DUSP10: variants seen among roughly 807,000 people sequenced by gnomAD.
DUSP10 encodes dual specificity protein phosphatase 10.
A neutral mutation model predicts 30.8 loss-of-function variants in DUSP10; 14 were observed. The ratio of observed to expected loss-of-function variants is 0.46; its 90% CI spans 0.30 to 0.71. DUSP10 has a LOEUF of 0.71. Ranked by LOEUF, DUSP10 falls within the 30% of genes least tolerant of loss-of-function variation. The pLI is 0.08. For missense variants in DUSP10, 550 were observed against 619.4 expected (o/e 0.89, Z 1.19); for synonymous variants, 254 against 250.4 (o/e 1.01, Z -0.14).
At chr1:221,707,345 A>AC (rs1181956036) in intron 2 of DUSP10, among the ~76,000 whole-genome samples, 3 of 152,276 alleles carry the variant, frequency 2.0e-5, no homozygotes, top group Admixed American at 2.0e-4. Flanking sequence ...ATCAACCCTG[A>AC]CTTTCAGTAG....
chr1:221,738,143 G>A (rs1038814922), intron 2 of DUSP10, among the ~76,000 whole-genome samples: 2 of 152,202 alleles, frequency 1.3e-5, no homozygotes, highest in Admixed American at 6.5e-5. Flanking sequence ...TCCGAGAAGA[G>A]TGGTGAATAA....
At chr1:221,738,682 G>A (rs1284373869) in intron 2 of DUSP10, among the ~76,000 whole-genome samples, 1 of 152,220 alleles carries the variant, frequency 6.6e-6, no homozygotes, top group Non-Finnish European at 1.5e-5. Context: ...GTCCCAGAGA[G>A]GTGAAATGAC....
At position 221,706,486 on chromosome 1, in the gene DUSP10, G is replaced by A. The variant is rs1660765980; in HGVS notation, c.812-20C>T. 1 of 1,458,650 alleles carries A rather than the reference G, an allele frequency of 6.9e-7. No individual in the cohort carries two copies. Among genetic ancestry groups the A allele is most frequent in the Non-Finnish European group, 9.1e-7 (1 of 1,100,814 alleles). The allele number at this position is 1,458,650 out of a possible 1,614,324, so 90.4% of individuals were successfully genotyped here. A position where few individuals can be genotyped will look rare whatever the true frequency, so the allele number is the denominator to read the frequency against. The stretch of plus-strand genomic sequence containing the variant: ...GTCCACCTAGAACACAAACACAGAA[G>A]GTGAGTGTGACTGAGATTTCAGAGC... On this transcript the variant is annotated intron_variant, in intron 2 of 3. Coordinates refer to ENST00000366899, the MANE Select transcript of DUSP10 (RefSeq NM_007207.6). This position sits in a 1 kb window ranked among gnomAD's most constrained non-coding sequence, Gnocchi z 4.6.
Position 221,729,286 on chromosome 1 carries a change from T to C in DUSP10, c.811+9648A>G, listed in dbSNP as rs371195663. Reference sequence around the variant, plus strand: ...ACTCTAAGGACACAGAATAGGCTACTCACCTTAGCAATGGAATTTTTATTT... The same window carrying C: ...ACTCTAAGGACACAGAATAGGCTACCCACCTTAGCAATGGAATTTTTATTT... On this transcript the variant is annotated intron_variant, in intron 2 of 3. Transcript: ENST00000366899. Among the ~76,000 whole-genome samples, 201 of 152,302 alleles carry C rather than the reference T, an allele frequency of 1.3e-3. 1 individual carries two copies. The highest frequency in any genetic ancestry group is 4.7e-3 in the African/African-American group (196 of 41,568).
chr1:221,730,043 C>A (rs1661537083), intron 2 of DUSP10, among the ~76,000 whole-genome samples: 1 of 152,130 alleles, frequency 6.6e-6, no homozygotes, highest in Non-Finnish European at 1.5e-5. Flanking sequence ...AGACCCTCAA[C>A]CCTCATGTTA....
intron 2 of DUSP10, chr1:221,737,385 G>T (rs1263869013): frequency 8.1e-6 from 8 of 985,200 alleles, no homozygotes; most frequent in Non-Finnish European, 9.6e-6. Context: ...TTTGTAAGAG[G>T]CTAGACACAT....
Position 221,739,774 on chromosome 1 carries a change from G to A in DUSP10, c.-30C>T. 6.5e-7 allele frequency: 1 copy of A among 1,546,480 alleles called. No homozygotes were observed. Among genetic ancestry groups the A allele is most frequent in the East Asian group, 2.3e-5 (1 of 44,312 alleles). On this transcript the variant is annotated 5_prime_UTR_variant, in exon 2 of 4. Coordinates refer to ENST00000366899, the MANE Select transcript of DUSP10 (RefSeq NM_007207.6). ...AGGCTGAAAACTGGCAATTCAAGAAGAACTCAAGACAGTCTGTAAAGAAGG... is the reference window on the plus strand; with the variant it reads ...AGGCTGAAAACTGGCAATTCAAGAAAAACTCAAGACAGTCTGTAAAGAAGG...
chr1:221,728,428 A>C (rs1292078840), intron 2 of DUSP10, among the ~76,000 whole-genome samples: 1 of 152,198 alleles, frequency 6.6e-6, no homozygotes, highest in Non-Finnish European at 1.5e-5. Flanking sequence ...AAATGTGTTC[A>C]TTATTATTTT....
At chr1:221,725,359 A>G (rs556448881) in intron 2 of DUSP10, among the ~76,000 whole-genome samples, 1 of 152,294 alleles carries the variant, frequency 6.6e-6, no homozygotes, top group African/African-American at 2.4e-5. Flanking sequence ...TGTGTCTTTT[A>G]ATAATGATAT....
chr1:221,728,902 A>C (rs1314095307), intron 2 of DUSP10, among the ~76,000 whole-genome samples: 1 of 152,186 alleles, frequency 6.6e-6, no homozygotes, highest in Non-Finnish European at 1.5e-5. Context: ...TCATCCTTCT[A>C]TCCACAGGCT....
intron 2 of DUSP10, among the ~76,000 whole-genome samples, chr1:221,712,926 G>T (rs1420976193): frequency 6.6e-6 from 1 of 152,118 alleles, no homozygotes; most frequent in Admixed American, 6.5e-5. Context: ...ACTTAGGTCT[G>T]TCGTAATGAT....
chr1:221,717,499 G>A (rs537751317), intron 2 of DUSP10, among the ~76,000 whole-genome samples: 2 of 151,972 alleles, frequency 1.3e-5, no homozygotes, highest in South Asian at 4.1e-4. Context: ...TTTACCAAAT[G>A]GTGTAATTTA....
chr1:221,736,561 C>G (rs1162989394), intron 2 of DUSP10, among the ~76,000 whole-genome samples: 2 of 152,166 alleles, frequency 1.3e-5, no homozygotes, highest in Non-Finnish European at 2.9e-5. Flanking sequence ...GCTGGTCATG[C>G]CTTTGGGGAA....
chr1:221,740,317 T>C lies in DUSP10; in HGVS notation c.-43-530A>G, dbSNP rs576707589. 1.7e-4 allele frequency among the ~76,000 whole-genome samples: 26 copies of C among 152,354 alleles called. No individual in the cohort carries two copies. In the East Asian group the frequency reaches 4.8e-3, roughly 28 times the overall value. On this transcript the variant is annotated intron_variant, in intron 1 of 3. Transcript: ENST00000366899. Reference sequence around the variant, plus strand: ...AGCTAAATATACATCAGGGTGGATGTCAACTTTCTGCAAATCCCCTTAAGT... The same window carrying C: ...AGCTAAATATACATCAGGGTGGATGCCAACTTTCTGCAAATCCCCTTAAGT...
chr1:221,715,467 C>A (rs1385051065), intron 2 of DUSP10, among the ~76,000 whole-genome samples: 1 of 152,162 alleles, frequency 6.6e-6, no homozygotes, highest in Non-Finnish European at 1.5e-5. Flanking sequence ...CTGGTTCCTA[C>A]CCCCTGAAGG....
chr1:221,712,436 C>G (rs1325559806), intron 2 of DUSP10, among the ~76,000 whole-genome samples: 1 of 152,124 alleles, frequency 6.6e-6, no homozygotes, highest in Non-Finnish European at 1.5e-5. Context: ...TTCTTATGAT[C>G]ACGTCATTTG....
intron 2 of DUSP10, among the ~76,000 whole-genome samples, chr1:221,711,029 T>C (rs11118832): frequency 0.15 from 23,223 of 152,078 alleles, 2,962 homozygotes; most frequent in African/African-American, 0.35. Context: ...GTACATTGAT[T>C]CTAAATGGCA....
chr1:221,724,729 A>C (rs960273909), intron 2 of DUSP10, among the ~76,000 whole-genome samples: 2 of 152,228 alleles, frequency 1.3e-5, no homozygotes, highest in Admixed American at 6.5e-5. Flanking sequence ...ATGTGTGTGC[A>C]TGCACATGGA....
At chr1:221,740,811 G>A (rs995362147) in intron 1 of DUSP10, among the ~76,000 whole-genome samples, 1 of 152,134 alleles carries the variant, frequency 6.6e-6, no homozygotes, top group African/African-American at 2.4e-5. Flanking sequence ...GTTGCCCACC[G>A]GATCTATCTC....
Sources: gnomAD v4.1 joint callset for allele counts (sites outside exome capture counted in the v4.1 genomes callset) on GRCh38, gnomAD v4.1.1 for gene constraint, Gnocchi (gnomAD v3.1) non-coding constraint, MANE v1.5 for transcripts, NCBI Gene and HGNC (gene_info 2026-07-23, HGNC 2026-07-21) for gene names.